HIPK3: variants seen among roughly 807,000 people sequenced by gnomAD.
The protein encoded by HIPK3 is homeodomain-interacting protein kinase 3.
A neutral mutation model predicts 124.2 loss-of-function variants in HIPK3; 47 were observed. The observed-to-expected ratio is 0.38, with a 90% CI of 0.30 to 0.48. HIPK3 has a LOEUF of 0.48. Ranked by LOEUF, HIPK3 falls within the 20% of genes least tolerant of loss-of-function variation. The pLI is 0.98. For missense variants in HIPK3, 1,286 were observed against 1,454.3 expected, an observed-to-expected ratio of 0.88 and a Z score of 1.88; for synonymous variants, 482 against 515.2, an observed-to-expected ratio of 0.94 and a Z score of 0.87.
chr11:33,343,281 G>T (rs796605726), intron 8 of HIPK3, among the ~76,000 whole-genome samples: 2 of 150,390 alleles, frequency 1.3e-5, no homozygotes, highest in African/African-American at 5.0e-5. Context: ...GTGTGTGTGT[G>T]TGTGTGTGTC....
At chr11:33,278,083 CCTT>C (rs1851317553) in intron 1 of HIPK3, among the ~76,000 whole-genome samples, 1 of 151,952 alleles carries the variant, frequency 6.6e-6, no homozygotes, top group South Asian at 2.1e-4. Flanking sequence ...TCATATTTTC[CCTT>C]CTAAGAGTGT....
rs372470144 is a variant in HIPK3, at chr11:33,353,067, ATT to A, written c.3172-14_3172-13del. On this transcript the variant is annotated intron_variant, in intron 16 of 16. Coordinates refer to ENST00000303296, the MANE Select transcript of HIPK3 (RefSeq NM_005734.5). ...ATCTTTTAAGGTATGTTATTCAGTC[ATT>A]TTTTTTTTTTCTTTGTGGATAGGTT... 251 of 1,039,604 alleles carry A rather than the reference ATT, an allele frequency of 2.4e-4. No homozygotes were observed. Among genetic ancestry groups the A allele is most frequent in the Non-Finnish European group, 2.9e-4 (211 of 737,580 alleles). 64.4% of individuals were successfully genotyped at this position (1,039,604 alleles called of 1,614,324 possible). A position where few individuals can be genotyped will look rare whatever the true frequency, so the allele number is the denominator to read the frequency against.
chr11:33,307,335 T>C (rs978590997), intron 2 of HIPK3, among the ~76,000 whole-genome samples: 4 of 151,944 alleles, frequency 2.6e-5, no homozygotes, highest in Admixed American at 1.3e-4. Flanking sequence ...TTTTATAATA[T>C]GAACACACTT....
At chr11:33,328,876 C>A (rs970821542) in intron 3 of HIPK3, among the ~76,000 whole-genome samples, 1 of 152,164 alleles carries the variant, frequency 6.6e-6, no homozygotes, top group Admixed American at 6.5e-5. Flanking sequence ...AAATTTTATA[C>A]TGTAAACATA....
intron 1 of HIPK3, among the ~76,000 whole-genome samples, chr11:33,269,866 T>A (rs1851075460): frequency 6.6e-6 from 1 of 152,186 alleles, no homozygotes; most frequent in Admixed American, 6.5e-5. Flanking sequence ...ATTTCCATAT[T>A]TTTCCCTTAC....
In HIPK3 at chr11:33,347,423, T is replaced by C. The variant is rs764266603; in HGVS notation, c.2019+9T>C. On this transcript the variant is annotated intron_variant, in intron 9 of 16. Transcript: ENST00000303296. Reference sequence around the variant, plus strand: ...CAGGAGTTCTTTCTCAGGTTGGTAATAATTCATTCTTTGCCATATATCAGC... The same window carrying C: ...CAGGAGTTCTTTCTCAGGTTGGTAACAATTCATTCTTTGCCATATATCAGC... The C allele has an allele frequency of 6.2e-7, 1 of 1,612,922 alleles. No homozygotes were observed. The highest frequency in any genetic ancestry group is 8.5e-7 in the Non-Finnish European group (1 of 1,179,780).
intron 12 of HIPK3, 144 bp downstream of exon 12, chr11:33,348,372 T>C: frequency 2.0e-6 from 2 of 1,015,972 alleles, no homozygotes; most frequent in Non-Finnish European, 2.9e-6. Context: ...AGCTATTTTA[T>C]ATTTCACAAA....
intron 1 of HIPK3, among the ~76,000 whole-genome samples, chr11:33,272,102 G>A (rs1176940273): frequency 6.6e-6 from 1 of 152,134 alleles, no homozygotes; most frequent in Non-Finnish European, 1.5e-5. Context: ...AGATTTTTAA[G>A]AATTCAATGT....
intron 2 of HIPK3, among the ~76,000 whole-genome samples, chr11:33,315,472 G>C (rs1189317352): frequency 6.6e-6 from 1 of 152,166 alleles, no homozygotes; most frequent in East Asian, 1.9e-4. Flanking sequence ...TGATCCACCT[G>C]CCTCGGCCTC....
At chr11:33,313,899 G>A (rs959773205) in intron 2 of HIPK3, among the ~76,000 whole-genome samples, 2 of 152,206 alleles carry the variant, frequency 1.3e-5, no homozygotes, top group Non-Finnish European at 2.9e-5. Context: ...CTGGAGTGCA[G>A]TGGTATAAAG....
At chr11:33,340,247 C>CA (rs1853291213) in intron 6 of HIPK3, among the ~76,000 whole-genome samples, 1 of 152,130 alleles carries the variant, frequency 6.6e-6, no homozygotes, top group African/African-American at 2.4e-5. Flanking sequence ...CCATGCCTGG[C>CA]AAATTTTTCG....
intron 2 of HIPK3, among the ~76,000 whole-genome samples, chr11:33,326,431 G>A (rs12418119): frequency 0.21 from 32,036 of 151,996 alleles, 4,081 homozygotes; most frequent in East Asian, 0.37. Flanking sequence ...TACTGAGAAG[G>A]TCTGGGAACC....
At chr11:33,348,476 T>C in intron 12 of HIPK3, 46 bp from the exon 13 acceptor site, 1 of 1,444,674 alleles carries the variant, frequency 6.9e-7, no homozygotes, top group African/African-American at 1.4e-5. Flanking sequence ...CAATTGATTA[T>C]ACATATTTTG....
At position 33,287,096 on chromosome 11, in the gene HIPK3, T is replaced by C. The variant is rs2133902424; in HGVS notation, c.682T>C (p.Leu228=). Residue 228 remains leucine, a synonymous_variant, in exon 2 of 17, where the codon TTG becomes CTG. Coordinates refer to ENST00000303296, the MANE Select transcript of HIPK3 (RefSeq NM_005734.5). ...AAATGAAATTGTAGCAATCAAAATT[T>C]TGAAGAATCATCCTTCTTATGCCCG... ...GTNEIVAIKI[L]KNHPSYARQG... 1 of 1,614,194 alleles carries C rather than the reference T, an allele frequency of 6.2e-7. No individual in the cohort carries two copies. The highest frequency in any genetic ancestry group is 2.2e-5 in the East Asian group (1 of 44,888).
chr11:33,306,918 A>T (rs1852176998), intron 2 of HIPK3, among the ~76,000 whole-genome samples: 1 of 151,850 alleles, frequency 6.6e-6, no homozygotes, highest in Admixed American at 6.6e-5. Flanking sequence ...GCTTTGTATG[A>T]ATAATGATAG....
At chr11:33,306,580 T>C (rs760440696) in intron 2 of HIPK3, among the ~76,000 whole-genome samples, 5 of 152,210 alleles carry the variant, frequency 3.3e-5, no homozygotes, top group Non-Finnish European at 5.9e-5. Flanking sequence ...CTTATAATTT[T>C]AGTTCTGCCA....
intron 1 of HIPK3, among the ~76,000 whole-genome samples, chr11:33,268,694 T>A (rs535528031): frequency 6.6e-6 from 1 of 152,210 alleles, no homozygotes; most frequent in East Asian, 1.9e-4. Flanking sequence ...ACAGAAAATT[T>A]TCGGGAGTGT....
At chr11:33,265,581 C>T (rs751273954) in intron 1 of HIPK3, among the ~76,000 whole-genome samples, 5 of 148,472 alleles carry the variant, frequency 3.4e-5, no homozygotes, top group Non-Finnish European at 5.9e-5. Flanking sequence ...CAAGACCAGA[C>T]GGGGCAACAT....
intron 2 of HIPK3, among the ~76,000 whole-genome samples, chr11:33,312,155 G>T (rs2133945284): frequency 6.6e-6 from 1 of 152,272 alleles, no homozygotes; most frequent in East Asian, 1.9e-4. Context: ...CCACTGTCTG[G>T]CTACACACAG....
Sources: allele counts gnomAD v4.1 joint callset (sites outside exome capture counted in the v4.1 genomes callset), GRCh38; gene constraint gnomAD v4.1.1; transcripts MANE v1.5; gene names NCBI Gene and HGNC (gene_info 2026-07-23, HGNC 2026-07-21).